TRMT11: variants seen among roughly 807,000 people sequenced by gnomAD.
TRMT11 encodes tRNA methyltransferase 11.
A neutral mutation model predicts 62.8 loss-of-function variants in TRMT11; 53 were observed. The ratio of observed to expected loss-of-function variants is 0.84; its 90% CI spans 0.68 to 1.06. The LOEUF is 1.06. Among genes scored for constraint, TRMT11 ranks in the 50% least tolerant of loss-of-function variants. The pLI is 0.00. For synonymous variants in TRMT11, 188 were observed against 190.3 expected (o/e 0.99, Z 0.10); for missense variants, 556 against 553.4 (o/e 1.00, Z -0.05).
Position 126,151,853 on chromosome 6 carries a change from T to TC in TRMT11, c.*1824-22971dup, listed in dbSNP as rs1491424223. On this transcript the variant is annotated intron_variant and NMD_transcript_variant, in intron 21 of 22. Coordinates refer to the TRMT11 transcript ENST00000648977. ...TTCTTTCTTTCTTTCTTTCTTTCTT[T>TC]CTTTCTTTCTTTCCTTCTTTCTCCT... Among the ~76,000 whole-genome samples, 36 of 144,222 alleles carry TC rather than the reference T, an allele frequency of 2.5e-4. 1 individual carries two copies. Among genetic ancestry groups the TC allele is most frequent in the South Asian group, 1.5e-3 (7 of 4,518 alleles). The allele number at this position is 144,222 out of a possible 152,430, so 94.6% of individuals were successfully genotyped here. A position where few individuals can be genotyped will look rare whatever the true frequency, so the allele number is the denominator to read the frequency against.
At chr6:126,247,022 A>T in the TRMT11 span, among the ~76,000 whole-genome samples, 1 of 152,192 alleles carries the variant, frequency 6.6e-6, no homozygotes, top group African/African-American at 2.4e-5. Flanking sequence ...AGTTCTGCCA[A>T]CCTGGAGATA....
upstream of TRMT11, among the ~76,000 whole-genome samples, chr6:126,173,351 C>G (rs1439234670): frequency 2.0e-5 from 3 of 152,134 alleles, no homozygotes; most frequent in Admixed American, 1.3e-4. Context: ...TCTGTCAGGT[C>G]ATAGATATAA....
chr6:126,011,776 T>C (rs1323698087), intron 9 of TRMT11, among the ~76,000 whole-genome samples: 1 of 152,198 alleles, frequency 6.6e-6, no homozygotes, highest in Admixed American at 6.5e-5. Context: ...CACATGTCAT[T>C]TGCAATTATG....
intron 17 of TRMT11, among the ~76,000 whole-genome samples, chr6:126,077,070 G>A (rs1201854877): frequency 1.3e-5 from 2 of 152,144 alleles, no homozygotes; most frequent in South Asian, 4.2e-4. Context: ...TGTTTCAGGG[G>A]ATTTGGCTCA....
chr6:126,245,403 C>T, the TRMT11 span, among the ~76,000 whole-genome samples: 4,525 of 152,266 alleles, frequency 0.03, 240 homozygotes, highest in African/African-American at 0.1. Context: ...ATAGAATCTA[C>T]GTCCAGTATC....
chr6:126,161,368 G>C (rs1012588977), intron 21 of TRMT11, among the ~76,000 whole-genome samples: 1 of 152,144 alleles, frequency 6.6e-6, no homozygotes, highest in Non-Finnish European at 1.5e-5. Context: ...TTCTGAGAAA[G>C]ACAGTTTCCA....
intron 21 of TRMT11, among the ~76,000 whole-genome samples, chr6:126,159,106 G>A (rs1434784135): frequency 6.6e-6 from 1 of 151,918 alleles, no homozygotes; most frequent in African/African-American, 2.4e-5. Flanking sequence ...CTCCTCTTGG[G>A]ACACCTGTAA....
At chr6:126,032,339 C>T (rs1774353833) in intron 12 of TRMT11, among the ~76,000 whole-genome samples, 2 of 152,152 alleles carry the variant, frequency 1.3e-5, no homozygotes, top group African/African-American at 4.8e-5. Flanking sequence ...TTTACATAAC[C>T]TTTATGTCAG....
chr6:126,102,961 G>T (rs1208697180), intron 17 of TRMT11, among the ~76,000 whole-genome samples: 2 of 152,156 alleles, frequency 1.3e-5, no homozygotes, highest in African/African-American at 4.8e-5. Context: ...TTATATAATT[G>T]TTCATCCCAT....
intron 17 of TRMT11, among the ~76,000 whole-genome samples, chr6:126,057,997 T>G (rs1206979429): frequency 6.6e-6 from 1 of 152,028 alleles, no homozygotes; most frequent in Middle Eastern, 3.2e-3. Flanking sequence ...GGGATACATG[T>G]GCAGAATGTG....
chr6:126,031,163 G>T lies in TRMT11; in HGVS notation c.1261-7542G>T, dbSNP rs561085029. On this transcript the variant is annotated intron_variant, in intron 12 of 12. Coordinates refer to ENST00000334379, the MANE Select transcript of TRMT11 (RefSeq NM_001031712.3). ...GTTTTTGTTTTTGCTGAGTAAATAA[G>T]CAGATACTAAATGTAAGAATTGAGG... Among the ~76,000 whole-genome samples the T allele has an allele frequency of 3.3e-5, 5 of 152,234 alleles. No homozygotes were observed. In the South Asian group the frequency reaches 1.0e-3, roughly 32 times the overall value.
intron 17 of TRMT11, among the ~76,000 whole-genome samples, chr6:126,083,722 T>A (rs928024822): frequency 7.2e-5 from 11 of 152,164 alleles, no homozygotes; most frequent in Non-Finnish European, 1.0e-4. Context: ...TCACTAGACT[T>A]ATTCGTCATA....
At chr6:126,265,398 C>T in the TRMT11 span, among the ~76,000 whole-genome samples, 1 of 152,094 alleles carries the variant, frequency 6.6e-6, no homozygotes, top group Non-Finnish European at 1.5e-5. Flanking sequence ...TTTGGTTTTA[C>T]TGAAGATACT....
the TRMT11 span, among the ~76,000 whole-genome samples, chr6:126,257,505 A>T: frequency 1.3e-5 from 2 of 152,064 alleles, no homozygotes; most frequent in South Asian, 4.2e-4. Context: ...AATCAACATA[A>T]ATCTGGCCTG....
At chr6:126,068,439 G>A (rs1776753338) in intron 17 of TRMT11, among the ~76,000 whole-genome samples, 1 of 152,246 alleles carries the variant, frequency 6.6e-6, no homozygotes, top group Non-Finnish European at 1.5e-5. Flanking sequence ...GTTTAGATCT[G>A]TGGTTCATTT....
the TRMT11 span, among the ~76,000 whole-genome samples, chr6:126,247,441 A>ATATC: frequency 0.13 from 16,927 of 132,394 alleles, 1,046 homozygotes; most frequent in Middle Eastern, 0.14. Flanking sequence ...GACACAGAAC[A>ATATC]TATCTATCTA....
At position 126,092,811 on chromosome 6, in the gene TRMT11, T is replaced by A. The variant is rs114815009; in HGVS notation, c.*1438-20055T>A. 6.4e-3 allele frequency among the ~76,000 whole-genome samples: 977 copies of A among 152,332 alleles called. 6 individuals carry two copies. Among genetic ancestry groups the A allele is most frequent in the African/African-American group, 0.022 (926 of 41,552 alleles). On this transcript the variant is annotated intron_variant and NMD_transcript_variant, in intron 17 of 22. Coordinates refer to the TRMT11 transcript ENST00000648977. ...CCAGTGTTTCTGTTTCCAAAGATTATTTGCTGGCTGATCAATTGGATATGG... is the reference window on the plus strand; with the variant it reads ...CCAGTGTTTCTGTTTCCAAAGATTAATTGCTGGCTGATCAATTGGATATGG...
chr6:126,249,819 C>A, the TRMT11 span, among the ~76,000 whole-genome samples: 1 of 151,956 alleles, frequency 6.6e-6, no homozygotes. Flanking sequence ...TGGATATAAC[C>A]ACCAAAAGAA....
rs1050625771 is a variant in TRMT11, at chr6:126,169,162, A to C, written c.*1824-5663A>C. ...AACTGGGTAGATGGAGCTACCTTTT[A>C]ATGTGACACGTGCTCCCAGTCTTAT... On this transcript the variant is annotated intron_variant and NMD_transcript_variant, in intron 21 of 22. Transcript: ENST00000648977. Among the ~76,000 whole-genome samples the C allele has an allele frequency of 9.2e-5, 14 of 152,328 alleles. No individual in the cohort carries two copies. In the East Asian group the frequency reaches 2.5e-3, roughly 27 times the overall value.
Sources: allele counts gnomAD v4.1 joint callset (sites outside exome capture counted in the v4.1 genomes callset), GRCh38; gene constraint gnomAD v4.1.1; transcripts MANE v1.5; gene names NCBI Gene and HGNC (gene_info 2026-07-23, HGNC 2026-07-21).